Variants in NRG3 observed in about 807,000 individuals in gnomAD.
NRG3 encodes pro-neuregulin-3, membrane-bound isoform.
A neutral mutation model predicts 66.9 loss-of-function variants in NRG3; 31 were observed. That is an observed-to-expected ratio of 0.46 (90% CI 0.35 to 0.63). The LOEUF (loss-of-function observed/expected upper bound fraction) is 0.63, where lower values mean the gene tolerates loss of function less well. NRG3 is among the 20% of genes least tolerant of loss of function. NRG3 has a pLI of 0.00. For synonymous variants in NRG3, 393 were observed against 359.4 expected, an observed-to-expected ratio of 1.09 and a Z score of -1.06; for missense variants, 910 against 878.9, an observed-to-expected ratio of 1.04 and a Z score of -0.45.
At chr10:82,559,821 C>A (rs2044911983) in intron 2 of NRG3, among the ~76,000 whole-genome samples, 1 of 152,110 alleles carries the variant, frequency 6.6e-6, no homozygotes, top group African/African-American at 2.4e-5. Flanking sequence ...CAAGGGACAC[C>A]ATACTTTCCA....
intron 2 of NRG3, among the ~76,000 whole-genome samples, chr10:82,678,900 G>A (rs761394190): frequency 8.5e-5 from 13 of 152,082 alleles, no homozygotes; most frequent in East Asian, 1.9e-4. Flanking sequence ...TCTGAGCACC[G>A]TGTATACATA....
At chr10:82,315,207 T>C (rs1018269642) in intron 1 of NRG3, among the ~76,000 whole-genome samples, 2 of 152,160 alleles carry the variant, frequency 1.3e-5, no homozygotes, top group Non-Finnish European at 2.9e-5. Flanking sequence ...TTATTAGCAA[T>C]GTGTGGGGTC....
At chr10:82,345,289 T>A (rs192926078) in intron 1 of NRG3, among the ~76,000 whole-genome samples, 2 of 121,302 alleles carry the variant, frequency 1.6e-5, no homozygotes, top group South Asian at 4.6e-4. Flanking sequence ...TATGGCTAGC[T>A]AGTTTTCCAA....
intron 3 of NRG3, among the ~76,000 whole-genome samples, chr10:82,846,159 T>C (rs1238539346): frequency 3.3e-5 from 5 of 152,104 alleles, no homozygotes; most frequent in African/African-American, 1.2e-4. Flanking sequence ...TTTTTAGCTA[T>C]GCAGCAGATA....
At chr10:82,239,819 T>C (rs1263365694) in intron 1 of NRG3, among the ~76,000 whole-genome samples, 1 of 152,152 alleles carries the variant, frequency 6.6e-6, no homozygotes, top group Non-Finnish European at 1.5e-5. Context: ...CCAGTTTTAT[T>C]TTGATAATAT....
intron 1 of NRG3, among the ~76,000 whole-genome samples, chr10:81,938,627 G>GTGTGTC (rs1848116562): frequency 6.6e-6 from 1 of 150,884 alleles, no homozygotes; most frequent in South Asian, 2.1e-4. Context: ...CAGTGTGTGT[G>GTGTGTC]TGTGTGTGTG....
intron 1 of NRG3, among the ~76,000 whole-genome samples, chr10:82,302,747 G>A (rs186184463): frequency 8.5e-5 from 13 of 152,242 alleles, no homozygotes; most frequent in South Asian, 8.3e-4. Context: ...ACAAGATTTC[G>A]AGTAACTTTA....
Position 82,914,412 on chromosome 10 carries a change from G to A in NRG3, c.1055-37057G>A, listed in dbSNP as rs190874570. Among the ~76,000 whole-genome samples, 476 of 152,162 alleles carry A rather than the reference G, an allele frequency of 3.1e-3. 3 individuals are homozygous for A. Among genetic ancestry groups the A allele is most frequent in the Non-Finnish European group, 4.5e-3 (304 of 68,002 alleles). On this transcript the variant is annotated intron_variant, in intron 4 of 8. Transcript: ENST00000372141. The stretch of plus-strand genomic sequence containing the variant: ...AGGTAAAAGGGATTGACATAAGTAA[G>A]CCTTTAGTGTGAGTTTTTAAGTAAG...
chr10:82,728,723 C>A (rs752703819), intron 2 of NRG3, among the ~76,000 whole-genome samples: 2 of 152,160 alleles, frequency 1.3e-5, no homozygotes, highest in Non-Finnish European at 2.9e-5. Context: ...GTCCCTTAAA[C>A]GTCAAATTCT....
intron 1 of NRG3, among the ~76,000 whole-genome samples, chr10:82,148,385 A>C (rs1361262789): frequency 6.6e-6 from 1 of 152,182 alleles, no homozygotes; most frequent in Admixed American, 6.5e-5. Context: ...AGTTCTTTCT[A>C]ACCCATGGTT....
At chr10:82,233,933 C>T (rs890099757) in intron 1 of NRG3, among the ~76,000 whole-genome samples, 2 of 152,156 alleles carry the variant, frequency 1.3e-5, no homozygotes, top group Non-Finnish European at 2.9e-5. Context: ...CACTATCACC[C>T]TGCACCAAGC....
chr10:82,505,139 C>T (rs74852114), intron 2 of NRG3, among the ~76,000 whole-genome samples: 8,514 of 152,258 alleles, frequency 0.056, 524 homozygotes, highest in East Asian at 0.17. Flanking sequence ...GTCCTACCCT[C>T]GTCTTCCCTG....
intron 1 of NRG3, among the ~76,000 whole-genome samples, chr10:81,882,559 A>G (rs1842275005): frequency 6.6e-6 from 1 of 152,200 alleles, no homozygotes; most frequent in Non-Finnish European, 1.5e-5. Flanking sequence ...CTCCCCTGGT[A>G]TAATGAGGTT....
At chr10:82,183,393 C>T (rs1433759453) in intron 1 of NRG3, among the ~76,000 whole-genome samples, 5 of 151,706 alleles carry the variant, frequency 3.3e-5, no homozygotes, top group South Asian at 2.1e-4. Flanking sequence ...TCTTTGGGTT[C>T]GTTAACTCAT....
At chr10:82,347,529 A>C (rs920650817) in intron 1 of NRG3, among the ~76,000 whole-genome samples, 2 of 150,800 alleles carry the variant, frequency 1.3e-5, no homozygotes, top group African/African-American at 2.4e-5. Flanking sequence ...GGTGCTGAAA[A>C]AAATGTATAT....
At chr10:82,137,368 G>A (rs1272090815) in intron 1 of NRG3, among the ~76,000 whole-genome samples, 2 of 152,154 alleles carry the variant, frequency 1.3e-5, no homozygotes, top group African/African-American at 4.8e-5. Context: ...TTAACTAAAT[G>A]CAGGTGATGT....
chr10:82,923,021 A>G (rs746792551), intron 4 of NRG3, among the ~76,000 whole-genome samples: 12 of 152,180 alleles, frequency 7.9e-5, no homozygotes, highest in Non-Finnish European at 1.0e-4. Context: ...GGGAAATGTG[A>G]TAAACAATAA....
At chr10:82,328,651 G>C (rs76813329) in intron 1 of NRG3, among the ~76,000 whole-genome samples, 2,180 of 152,232 alleles carry the variant, frequency 0.014, 56 homozygotes, top group African/African-American at 0.05. Context: ...TTGGGGACCT[G>C]TAACTGCCTT....
chr10:82,961,549 A>G (rs141121130), intron 6 of NRG3, among the ~76,000 whole-genome samples: 5 of 152,338 alleles, frequency 3.3e-5, no homozygotes, highest in South Asian at 2.1e-4. Flanking sequence ...GTGGTTCTCA[A>G]CAGAAGGCAA....
Sources: allele counts gnomAD v4.1 joint callset (sites outside exome capture counted in the v4.1 genomes callset), GRCh38; gene constraint gnomAD v4.1.1; transcripts MANE v1.5; gene names NCBI Gene and HGNC (gene_info 2026-07-23, HGNC 2026-07-21).